Variants in INPP4B observed in about 807,000 individuals in gnomAD.
The protein encoded by INPP4B is inositol polyphosphate 4-phosphatase type II.
A neutral mutation model predicts 122.5 loss-of-function variants in INPP4B; 55 were observed. That is an observed-to-expected ratio of 0.45 (90% CI 0.36 to 0.56). INPP4B has a LOEUF of 0.56. INPP4B is among the 20% of genes least tolerant of loss of function. INPP4B has a pLI of 0.00. For synonymous variants in INPP4B, 403 were observed against 388.7 expected (o/e 1.04, Z -0.43); for missense variants, 1,000 against 1,097.7 (o/e 0.91, Z 1.26).
At chr4:142,047,453 A>AACTC (rs1435960883) in intron 25 of INPP4B, among the ~76,000 whole-genome samples, 6 of 151,996 alleles carry the variant, frequency 3.9e-5, no homozygotes, top group African/African-American at 1.4e-4. Flanking sequence ...GCTTTTCTTC[A>AACTC]ACTCAGACTG....
rs1288180770 is a variant in INPP4B at position 142,108,087 on chromosome 4, ACT to A, written c.2374+4_2374+5del. The A allele has an allele frequency of 7.1e-7, 1 of 1,401,866 alleles. No homozygotes were observed. Among genetic ancestry groups the A allele is most frequent in the Non-Finnish European group, 1.0e-6 (1 of 992,208 alleles). 86.8% of individuals were successfully genotyped at this position (1,401,866 alleles called of 1,614,324 possible). ...TATTGCTGTCTTCTCTAACTCACAT[ACT>A]TACAATCAGGAGGCATCTTTTCCAT... On this transcript the variant is annotated splice_donor_5th_base_variant and intron_variant, in intron 23 of 25. Coordinates refer to ENST00000262992, the MANE Select transcript of INPP4B (RefSeq NM_001101669.3).
intron 5 of INPP4B, chr4:142,423,666 T>A (rs1179467206): frequency 1.1e-5 from 3 of 266,410 alleles, no homozygotes; most frequent in Non-Finnish European, 2.2e-5. Flanking sequence ...ATTTTAATCA[T>A]TAAACTCTAG....
intron 2 of INPP4B, among the ~76,000 whole-genome samples, chr4:142,680,311 A>G (rs1758436703): frequency 6.6e-6 from 1 of 151,914 alleles, no homozygotes; most frequent in Non-Finnish European, 1.5e-5. Context: ...ACTGCATTCC[A>G]AAATTACCTA....
At chr4:142,588,888 G>A (rs78487911) in intron 2 of INPP4B, among the ~76,000 whole-genome samples, 4,174 of 151,856 alleles carry the variant, frequency 0.027, 79 homozygotes, top group Non-Finnish European at 0.041. Flanking sequence ...AATAGTCAAC[G>A]CAATACTGAA....
intron 2 of INPP4B, among the ~76,000 whole-genome samples, chr4:142,621,399 C>A (rs1744901863): frequency 1.3e-5 from 2 of 151,954 alleles, no homozygotes; most frequent in Admixed American, 1.3e-4. Context: ...CAACCACACA[C>A]CACTTATACA....
At chr4:142,029,156 T>G in intron 25 of INPP4B, 1 of 1,181,140 alleles carries the variant, frequency 8.5e-7, no homozygotes, top group Non-Finnish European at 1.1e-6. Context: ...TAAAATTTAA[T>G]AAACTCTTTA....
chr4:142,460,297 T>C (rs1405728463), intron 3 of INPP4B, among the ~76,000 whole-genome samples: 1 of 152,204 alleles, frequency 6.6e-6, no homozygotes, highest in Non-Finnish European at 1.5e-5. Context: ...ATTGCTTTTA[T>C]TCTGAGAAAA....
chr4:142,735,924 AACACACACACACACACACACACAC>A (rs33993491), intron 1 of INPP4B, among the ~76,000 whole-genome samples: 2 of 142,630 alleles, frequency 1.4e-5, no homozygotes. Flanking sequence ...TATACATTGC[AACACACACACACACACACACACAC>A]ACACACACAC....
At chr4:142,599,844 C>A (rs951597138) in intron 2 of INPP4B, among the ~76,000 whole-genome samples, 5 of 151,332 alleles carry the variant, frequency 3.3e-5, no homozygotes, top group Non-Finnish European at 7.4e-5. Context: ...TAAAAAGAAC[C>A]AAATAGAATT....
In INPP4B at chr4:142,423,350, G is replaced by T. The variant is rs369044171; in HGVS notation, c.136+5823C>A. Among the ~76,000 whole-genome samples the T allele has an allele frequency of 2.0e-5, 3 of 152,194 alleles. No homozygotes were observed. The South Asian group carries it at 6.2e-4, about 31-fold the overall frequency. ...AGACATTTTCTTGTGCAGATTGTCA[G>T]TTGGGGCACATTTCTATACATTTTT... On this transcript the variant is annotated intron_variant, in intron 5 of 25. Coordinates refer to ENST00000262992, the MANE Select transcript of INPP4B (RefSeq NM_001101669.3).
chr4:142,234,191 G>A (rs1855678524), intron 12 of INPP4B, among the ~76,000 whole-genome samples: 1 of 152,136 alleles, frequency 6.6e-6, no homozygotes, highest in East Asian at 1.9e-4. Context: ...GCAATGTCCA[G>A]CTCTTTGTCC....
intron 2 of INPP4B, among the ~76,000 whole-genome samples, chr4:142,590,009 T>C (rs750781365): frequency 1.3e-5 from 2 of 152,050 alleles, no homozygotes; most frequent in Non-Finnish European, 2.9e-5. Flanking sequence ...TATTATTAAG[T>C]GGAAGAGCCC....
chr4:142,137,866 C>T (rs1249468700), intron 18 of INPP4B, among the ~76,000 whole-genome samples: 1 of 151,396 alleles, frequency 6.6e-6, no homozygotes, highest in Non-Finnish European at 1.5e-5. Flanking sequence ...GAATGGCAAT[C>T]ATTAAAAAGT....
chr4:142,277,603 CA>C (rs1453651125), intron 9 of INPP4B, among the ~76,000 whole-genome samples: 5 of 151,820 alleles, frequency 3.3e-5, no homozygotes, highest in African/African-American at 9.7e-5. Context: ...GCACAATTCA[CA>C]ATCACAAAAA....
At chr4:142,769,067 G>A (rs1380344747) in intron 1 of INPP4B, among the ~76,000 whole-genome samples, 3 of 152,170 alleles carry the variant, frequency 2.0e-5, no homozygotes, top group South Asian at 4.1e-4. Context: ...AAATTTATAA[G>A]TTTTGATGAT....
intron 2 of INPP4B, among the ~76,000 whole-genome samples, chr4:142,633,641 C>T (rs1290693518): frequency 3.3e-5 from 5 of 151,736 alleles, no homozygotes; most frequent in South Asian, 2.1e-4. Flanking sequence ...GCAAATTTTT[C>T]GGTAGGAAGT....
intron 1 of INPP4B, among the ~76,000 whole-genome samples, chr4:142,806,395 A>AT (rs914663113): frequency 2.0e-5 from 3 of 151,488 alleles, no homozygotes; most frequent in Non-Finnish European, 4.4e-5. Context: ...ATTTAAATAC[A>AT]TTTTTTTAAA....
intron 2 of INPP4B, among the ~76,000 whole-genome samples, chr4:142,619,162 G>C (rs1335571904): frequency 6.6e-6 from 1 of 151,408 alleles, no homozygotes; most frequent in Admixed American, 6.6e-5. Context: ...AGCTGCTGTA[G>C]AAAACAGTAT....
intron 2 of INPP4B, among the ~76,000 whole-genome samples, chr4:142,598,198 CAGGGAA>C (rs1553965963): frequency 6.6e-6 from 1 of 152,124 alleles, no homozygotes; most frequent in Non-Finnish European, 1.5e-5. Context: ...CTTGGTATTA[CAGGGAA>C]AGGGTAAGTG....
Sources: allele counts gnomAD v4.1 joint callset (sites outside exome capture counted in the v4.1 genomes callset), GRCh38; gene constraint gnomAD v4.1.1; transcripts MANE v1.5; gene names NCBI Gene and HGNC (gene_info 2026-07-23, HGNC 2026-07-21).